TRPM3: variants seen among roughly 807,000 people sequenced by gnomAD.
TRPM3 encodes transient receptor potential cation channel subfamily M member 3, also known as long transient receptor potential channel 3.
A neutral mutation model predicts 181.2 loss-of-function variants in TRPM3; 77 were observed. That is an observed-to-expected ratio of 0.42 (90% CI 0.35 to 0.51). TRPM3 has a LOEUF of 0.51. Ranked by LOEUF, TRPM3 falls within the 20% of genes least tolerant of loss-of-function variation. The pLI is 0.01. For missense variants in TRPM3, 1,759 were observed against 2,196.7 expected (o/e 0.80, Z 3.98); for synonymous variants, 745 against 796.4 (o/e 0.94, Z 1.09).
rs565268922 is a variant in TRPM3, at chr9:71,275,695, A to G, written c.183+170958T>C. 2.0e-5 allele frequency among the ~76,000 whole-genome samples: 3 copies of G among 152,350 alleles called. No homozygotes were observed. In the South Asian group the frequency reaches 6.2e-4, roughly 32 times the overall value. On this transcript the variant is annotated intron_variant, in intron 1 of 24. Transcript: ENST00000357533. ...TAAAGCCATATTATTGAAGATAGAT[A>G]GGTATTGGAGTAGTGATTAACAAAC...
In TRPM3 at chr9:70,843,172, A is replaced by G. The variant is rs778356582; in HGVS notation, c.677-45T>C. On this transcript the variant is annotated intron_variant, in intron 4 of 25. Coordinates refer to ENST00000677713, the MANE Select transcript of TRPM3 (RefSeq NM_001366145.2). ...ATTGATTTTTTCTTTTAAAGCAAAT[A>G]CCTTTTCATCATTCTAAAGAAAACT... 16 of 1,578,348 alleles carry G rather than the reference A, an allele frequency of 1.0e-5. No individual in the cohort carries two copies. The Admixed American group carries it at 2.7e-4, about 27-fold the overall frequency.
chr9:71,028,314 G>C (rs959811864), intron 1 of TRPM3, among the ~76,000 whole-genome samples: 19 of 152,100 alleles, frequency 1.2e-4, no homozygotes, highest in African/African-American at 4.6e-4. Flanking sequence ...GCCCCTGAAA[G>C]AAGCAATAAA....
chr9:70,738,815 A>G (rs1442204783), intron 8 of TRPM3, among the ~76,000 whole-genome samples: 1 of 152,208 alleles, frequency 6.6e-6, no homozygotes, highest in Non-Finnish European at 1.5e-5. Context: ...GATATCACAG[A>G]AATACAAAAG....
intron 8 of TRPM3, among the ~76,000 whole-genome samples, chr9:70,746,398 G>T (rs952632848): frequency 2.0e-5 from 3 of 152,048 alleles, no homozygotes; most frequent in African/African-American, 4.8e-5. Context: ...AGTTGTCATT[G>T]GATGCCAACA....
chr9:70,781,335 A>AG (rs2082405881), intron 7 of TRPM3, among the ~76,000 whole-genome samples: 1 of 150,796 alleles, frequency 6.6e-6, no homozygotes. Context: ...ATAAAAAAAA[A>AG]AAAAAAAAAA....
intron 4 of TRPM3, among the ~76,000 whole-genome samples, chr9:70,845,639 A>G (rs1010022311): frequency 6.6e-6 from 1 of 152,344 alleles, no homozygotes; most frequent in Middle Eastern, 3.4e-3. Context: ...GGGGCTTGTA[A>G]TAAGTTTGCC....
intron 1 of TRPM3, among the ~76,000 whole-genome samples, chr9:71,179,735 A>G (rs1352125801): frequency 3.9e-5 from 6 of 152,218 alleles, no homozygotes; most frequent in African/African-American, 1.4e-4. Context: ...TACCAATCAA[A>G]CATAACCTAC....
At chr9:70,581,172 A>T (rs1331702639) in intron 22 of TRPM3, among the ~76,000 whole-genome samples, 1 of 152,268 alleles carries the variant, frequency 6.6e-6, no homozygotes, top group African/African-American at 2.4e-5. Flanking sequence ...AGCCTGGGCC[A>T]AGAAATAGCC....
At position 70,533,435 on chromosome 9, in the gene TRPM3, C is replaced by A. The variant is rs980542868; in HGVS notation, c.*2518G>T. 3 of 152,130 alleles carry A rather than the reference C, an allele frequency of 2.0e-5. No individual in the cohort carries two copies. Among genetic ancestry groups the A allele is most frequent in the African/African-American group, 7.2e-5 (3 of 41,414 alleles). 9.4% of individuals were successfully genotyped at this position (152,130 alleles called of 1,614,324 possible). On this transcript the variant is annotated 3_prime_UTR_variant, in exon 26 of 26. Transcript: ENST00000677713. Reference sequence around the variant, plus strand: ...TTCAAACTCTGGTGCTGAGATTTGGCCTTCCTGAGAATCACAGAGAGATGG... The same window carrying A: ...TTCAAACTCTGGTGCTGAGATTTGGACTTCCTGAGAATCACAGAGAGATGG...
At chr9:70,552,199 A>AGTCACC in intron 24 of TRPM3, among the ~76,000 whole-genome samples, 1 of 152,298 alleles carries the variant, frequency 6.6e-6, no homozygotes, top group Non-Finnish European at 1.5e-5. Context: ...AATCTGTGGG[A>AGTCACC]GTCACCAGTA....
chr9:70,877,291 C>T (rs937026249), intron 1 of TRPM3, among the ~76,000 whole-genome samples: 5 of 151,888 alleles, frequency 3.3e-5, no homozygotes, highest in African/African-American at 7.3e-5. Context: ...CCTCCAGCCA[C>T]GTCAACATTA....
intron 1 of TRPM3, among the ~76,000 whole-genome samples, chr9:71,373,640 C>T (rs2092589135): frequency 6.6e-6 from 1 of 151,960 alleles, no homozygotes; most frequent in East Asian, 1.9e-4. Flanking sequence ...AATGAATAGC[C>T]TACCAAGCAA....
At chr9:70,693,487 A>G (rs545048322) in intron 8 of TRPM3, among the ~76,000 whole-genome samples, 3 of 151,828 alleles carry the variant, frequency 2.0e-5, no homozygotes, top group African/African-American at 7.2e-5. Flanking sequence ...TTTTTTTGAC[A>G]TTTTGTCATA....
intron 8 of TRPM3, among the ~76,000 whole-genome samples, chr9:70,688,492 C>T (rs185634944): frequency 6.6e-6 from 1 of 152,132 alleles, no homozygotes; most frequent in Non-Finnish European, 1.5e-5. Context: ...ATACTTATGC[C>T]TTTGCATCCT....
intron 1 of TRPM3, among the ~76,000 whole-genome samples, chr9:71,106,264 T>C (rs2069535377): frequency 6.6e-6 from 1 of 152,178 alleles, no homozygotes; most frequent in Non-Finnish European, 1.5e-5. Context: ...TTTGGATATT[T>C]GTTCCTTCCA....
At chr9:70,868,411 A>T (rs1253165068) in intron 1 of TRPM3, among the ~76,000 whole-genome samples, 1 of 152,126 alleles carries the variant, frequency 6.6e-6, no homozygotes, top group Non-Finnish European at 1.5e-5. Flanking sequence ...TCAATAAAGC[A>T]TCAAAATAAT....
At chr9:70,941,511 T>C (rs745565034) in intron 1 of TRPM3, among the ~76,000 whole-genome samples, 8 of 152,188 alleles carry the variant, frequency 5.3e-5, no homozygotes, top group Non-Finnish European at 8.8e-5. Flanking sequence ...GGGCTTCGCT[T>C]TGTTACTGTG....
At chr9:70,966,855 C>G (rs973354644) in intron 1 of TRPM3, among the ~76,000 whole-genome samples, 1 of 151,990 alleles carries the variant, frequency 6.6e-6, no homozygotes, top group African/African-American at 2.4e-5. Context: ...TACCATATAA[C>G]AAACCTGCAC....
At chr9:70,793,570 T>G in intron 6 of TRPM3, 1 of 469,892 alleles carries the variant, frequency 2.1e-6, no homozygotes, top group South Asian at 1.5e-5. Flanking sequence ...TACCCCTTTA[T>G]GTACTTTGCA....
Sources: allele counts gnomAD v4.1 joint callset (sites outside exome capture counted in the v4.1 genomes callset), GRCh38; gene constraint gnomAD v4.1.1; transcripts MANE v1.5; gene names NCBI Gene and HGNC (gene_info 2026-07-23, HGNC 2026-07-21).